STAG1: variants seen among roughly 807,000 people sequenced by gnomAD.
STAG1 encodes STAG1 cohesin complex component.
A neutral mutation model predicts 170.9 loss-of-function variants in STAG1; 26 were observed. The observed-to-expected ratio is 0.15, with a 90% CI of 0.11 to 0.21. The LOEUF (loss-of-function observed/expected upper bound fraction) is 0.21. STAG1 is among the 10% of genes least tolerant of loss of function. The pLI is 1.00. For missense variants in STAG1, 964 were observed against 1,509.5 expected, an observed-to-expected ratio of 0.64 and a Z score of 5.99; for synonymous variants, 514 against 497.7, an observed-to-expected ratio of 1.03 and a Z score of -0.44.
intron 13 of STAG1, among the ~76,000 whole-genome samples, chr3:136,456,662 G>A (rs190608043): frequency 9.9e-4 from 150 of 152,254 alleles, no homozygotes; most frequent in African/African-American, 3.2e-3. Flanking sequence ...AAGCTCAGAT[G>A]TCATCAAACA....
chr3:136,515,883 T>C (rs767723610), intron 7 of STAG1, among the ~76,000 whole-genome samples: 3 of 152,246 alleles, frequency 2.0e-5, no homozygotes, highest in South Asian at 2.1e-4. Flanking sequence ...AAGTCTGTTA[T>C]ATACAAACCC....
At chr3:136,703,788 T>A (rs374988670) in intron 1 of STAG1, among the ~76,000 whole-genome samples, 4 of 152,010 alleles carry the variant, frequency 2.6e-5, no homozygotes, top group Admixed American at 2.6e-4. Flanking sequence ...AGCAGGTGGA[T>A]CACCTGAGGG....
intron 1 of STAG1, among the ~76,000 whole-genome samples, chr3:136,647,218 T>C (rs1941057606): frequency 6.6e-6 from 1 of 152,182 alleles, no homozygotes; most frequent in African/African-American, 2.4e-5. Flanking sequence ...TGAGAAGTCA[T>C]GCAGTGCCCA....
chr3:136,338,511 TA>T, intron 32 of STAG1, 61 bp from the exon 33 acceptor site: 1 of 1,204,156 alleles, frequency 8.3e-7, no homozygotes, highest in East Asian at 2.3e-5. Flanking sequence ...TGAATTGTGA[TA>T]ATCAGCTAAT....
chr3:136,433,797 G>A, intron 15 of STAG1, 138 bp from the exon 16 acceptor site: 1 of 613,022 alleles, frequency 1.6e-6, no homozygotes, highest in Non-Finnish European at 2.7e-6. Flanking sequence ...TCTGTACTTT[G>A]CTATTTTTTT....
At chr3:136,465,679 T>C (rs2107800569) in intron 12 of STAG1, among the ~76,000 whole-genome samples, 1 of 151,490 alleles carries the variant, frequency 6.6e-6, no homozygotes, top group South Asian at 2.1e-4. Context: ...TTAGAATGCA[T>C]TCTAGGACTC....
chr3:136,449,642 G>T (rs952596696), intron 14 of STAG1, among the ~76,000 whole-genome samples: 1 of 151,782 alleles, frequency 6.6e-6, no homozygotes, highest in African/African-American at 2.4e-5. Context: ...TTTAGAAAAT[G>T]GTAGCAAACA....
intron 1 of STAG1, among the ~76,000 whole-genome samples, chr3:136,643,183 T>C (rs899215632): frequency 3.0e-4 from 46 of 152,250 alleles, no homozygotes; most frequent in Admixed American, 6.5e-5. Context: ...CTCTGTTCTA[T>C]AAAAGCATTG....
rs1014412327 is a variant in STAG1, at chr3:136,453,952, A to AT, written c.1314-1806dup. Among the ~76,000 whole-genome samples, 173 of 152,138 alleles carry AT rather than the reference A, an allele frequency of 1.1e-3. 1 individual carries two copies. The highest frequency in any genetic ancestry group is 4.0e-3 in the African/African-American group (165 of 41,502). Reference sequence around the variant, plus strand: ...GGGGGGCAGGTGAGGAGGAAGGCATATTAGGGGACTAGAGAACTTATCTTG... The same window carrying AT: ...GGGGGGCAGGTGAGGAGGAAGGCATATTTAGGGGACTAGAGAACTTATCTTG... On this transcript the variant is annotated intron_variant, in intron 13 of 33. Transcript: ENST00000383202.
intron 25 of STAG1, among the ~76,000 whole-genome samples, chr3:136,363,896 G>A (rs1041408956): frequency 6.6e-6 from 1 of 152,128 alleles, no homozygotes; most frequent in Non-Finnish European, 1.5e-5. Context: ...TGGGACTACA[G>A]GCATGTGCCA....
In STAG1 at chr3:136,433,620, A is replaced by G. The variant is rs2088372967; in HGVS notation, c.1586T>C (p.Met529Thr). 1 of 1,607,700 alleles carries G rather than the reference A, an allele frequency of 6.2e-7. No homozygotes were observed. Among genetic ancestry groups the G allele is most frequent in the African/African-American group, 1.3e-5 (1 of 74,334 alleles). ...DRQESALIEL[M>T]VCTIRQAAEA... is the part of the protein sequence containing the mutation. ...AGCAGCTTGACGAATTGTACAAACC[A>G]TTAGCTCTATAAGAGCACTCTCTTG... is the stretch of plus-strand genomic sequence containing the variant. The change falls in exon 16 of 34, where the codon ATG becomes ACG. Residue 529 changes from methionine to threonine, a missense_variant. By Grantham distance (81) the Met-to-Thr change is moderately conservative (BLOSUM62 -1). Around this residue, in one of 11 missense-constraint regions of STAG1, gnomAD observed 162 missense variants for 211.2 expected, o/e 0.77. Coordinates refer to ENST00000383202, the MANE Select transcript of STAG1 (RefSeq NM_005862.3).
At chr3:136,437,320 A>C (rs973150970) in intron 15 of STAG1, among the ~76,000 whole-genome samples, 2 of 152,242 alleles carry the variant, frequency 1.3e-5, no homozygotes, top group Non-Finnish European at 2.9e-5. Context: ...AGGTAAACTC[A>C]AAAGCAGTTG....
At chr3:136,476,220 G>C (rs1015620214) in intron 10 of STAG1, among the ~76,000 whole-genome samples, 1 of 152,282 alleles carries the variant, frequency 6.6e-6, no homozygotes, top group East Asian at 1.9e-4. Context: ...AGTAGCCCTT[G>C]TCTTGATATA....
At chr3:136,356,118 G>A (rs1320088588) in intron 28 of STAG1, among the ~76,000 whole-genome samples, 2 of 144,582 alleles carry the variant, frequency 1.4e-5, no homozygotes, top group Non-Finnish European at 3.0e-5. Flanking sequence ...TCAGACTCTT[G>A]CCCTCAAACA....
intron 6 of STAG1, among the ~76,000 whole-genome samples, chr3:136,539,400 A>G (rs1171549572): frequency 2.6e-5 from 4 of 152,224 alleles, no homozygotes; most frequent in African/African-American, 9.6e-5. Context: ...ATCACGGGAG[A>G]AGAGCACAAT....
chr3:136,631,112 T>C (rs1243022465), intron 1 of STAG1, 131 bp from the exon 2 acceptor site: 8 of 485,934 alleles, frequency 1.6e-5, no homozygotes, highest in Non-Finnish European at 2.6e-5. Context: ...AAAACCAATG[T>C]CCACAGATGT....
At chr3:136,523,449 G>C (rs1421141705) in intron 6 of STAG1, among the ~76,000 whole-genome samples, 2 of 152,130 alleles carry the variant, frequency 1.3e-5, no homozygotes, top group Non-Finnish European at 2.9e-5. Context: ...TGAATTCTTT[G>C]TAGATTCTGG....
At chr3:136,734,461 A>T (rs1456393798) in intron 1 of STAG1, among the ~76,000 whole-genome samples, 1 of 152,230 alleles carries the variant, frequency 6.6e-6, no homozygotes, top group Non-Finnish European at 1.5e-5. Context: ...GCCAAAAAAC[A>T]GTACAGGTAA....
At chr3:136,632,614 A>AAGCAATATGTAC (rs1940375095) in intron 1 of STAG1, among the ~76,000 whole-genome samples, 1 of 152,156 alleles carries the variant, frequency 6.6e-6, no homozygotes. Context: ...GCAATATGTA[A>AAGCAATATGTAC]AGCCTTAGAA....
Sources: allele counts gnomAD v4.1 joint callset (sites outside exome capture counted in the v4.1 genomes callset), GRCh38; gene constraint gnomAD v4.1.1; regional missense constraint gnomAD v4.1.1; transcripts MANE v1.5; gene names NCBI Gene and HGNC (gene_info 2026-07-23, HGNC 2026-07-21).